HMGB1: variants seen among roughly 807,000 people sequenced by gnomAD.
HMGB1 encodes high mobility group protein B1.
For synonymous variants in HMGB1, 81 were observed against 84.0 expected (o/e 0.96, Z 0.19); for missense variants, 79 against 253.5 (o/e 0.31, Z 4.67).
rs1593283691 is a variant in HMGB1 at position 30,511,696 on chromosome 13, C to T, written c.-14-48002G>A. On this transcript the variant is annotated intron_variant, in intron 1 of 4. Coordinates refer to the HMGB1 transcript ENST00000405805. ...TGGCACCATCTTAGGCTGGGCCTTG[C>T]ATGTCCCATCTATCTCCCTTGCCCT... 2.6e-5 allele frequency among the ~76,000 whole-genome samples: 4 copies of T among 152,302 alleles called. No homozygotes were observed. In the South Asian group the frequency reaches 8.3e-4, roughly 32 times the overall value.
In HMGB1 at chr13:30,465,233, C is replaced by A; in HGVS notation, c.-15+563G>T. 8.4e-6 allele frequency: 3 copies of A among 355,800 alleles called. 1 individual carries two copies. In the Middle Eastern group the frequency reaches 4.4e-3, roughly 519 times the overall value. 22.0% of individuals were successfully genotyped at this position (355,800 alleles called of 1,614,324 possible). A position where few individuals can be genotyped will look rare whatever the true frequency, so the allele number is the denominator to read the frequency against. On this transcript the variant is annotated intron_variant, in intron 1 of 4. Transcript: ENST00000341423. ...CGCGACCGGGCCGAGGCCGGCCGGG[C>A]CCGCACTGCCGCCCCCAGGCCCCCG...
At chr13:30,557,485 T>C (rs528845693) in intron 1 of HMGB1, among the ~76,000 whole-genome samples, 2 of 152,358 alleles carry the variant, frequency 1.3e-5, no homozygotes, top group South Asian at 2.1e-4. Context: ...CCATGTTTCA[T>C]GTCTCTGCGG....
chr13:30,507,770 G>C (rs992588007), intron 1 of HMGB1, among the ~76,000 whole-genome samples: 2 of 152,140 alleles, frequency 1.3e-5, no homozygotes, highest in East Asian at 3.9e-4. Context: ...GAAGTGGGAA[G>C]AACATTTGAG....
At chr13:30,479,794 G>A (rs1887186688) in intron 1 of HMGB1, among the ~76,000 whole-genome samples, 2 of 152,140 alleles carry the variant, frequency 1.3e-5, no homozygotes, top group African/African-American at 4.8e-5. Context: ...AGTGTAAATC[G>A]CTTAGAACAC....
intron 1 of HMGB1, among the ~76,000 whole-genome samples, chr13:30,485,001 C>CATTTCAT (rs1308665268): frequency 1.3e-5 from 2 of 151,032 alleles, no homozygotes; most frequent in Non-Finnish European, 2.9e-5. Context: ...AAGAGTGAAG[C>CATTTCAT]ATTTCATGGA....
At chr13:30,525,376 C>G (rs1434447050) in intron 1 of HMGB1, among the ~76,000 whole-genome samples, 2 of 152,120 alleles carry the variant, frequency 1.3e-5, no homozygotes, top group Non-Finnish European at 2.9e-5. Context: ...ACTCCCAACC[C>G]CCACTGGTTT....
chr13:30,593,227 A>AC (rs571530078), intron 1 of HMGB1, among the ~76,000 whole-genome samples: 77 of 151,328 alleles, frequency 5.1e-4, no homozygotes, highest in East Asian at 1.7e-3. Flanking sequence ...GTTACAGACC[A>AC]CCCCCCCGTA....
intron 1 of HMGB1, among the ~76,000 whole-genome samples, chr13:30,479,703 G>A (rs1224922289): frequency 6.6e-6 from 1 of 152,156 alleles, no homozygotes; most frequent in East Asian, 1.9e-4. Context: ...AGCCTCAGCT[G>A]CTTCCATAAA....
At position 30,461,508 on chromosome 13, in the gene HMGB1, C is replaced by T; in HGVS notation, c.497G>A (p.Gly166Glu). 2 of 1,572,030 alleles carry T rather than the reference C, an allele frequency of 1.3e-6. No homozygotes were observed. The highest frequency in any genetic ancestry group is 1.2e-5 in the South Asian group (1 of 86,816). Reference protein sequence around the residue: ...EKDIAAYRAKGKPDAAKKGVV... With the variant: ...EKDIAAYRAKEKPDAAKKGVV... ...TCCCTTTTTTGCTGCATCAGGCTTT[C>T]CTTTAGCTCGATATGCAGCAATATC... The change falls in exon 5 of 5, where the codon GGA becomes GAA. Residue 166 changes from glycine to glutamate, a missense_variant. By Grantham distance (98) the Gly-to-Glu change is moderately conservative. Transcript: ENST00000341423.
chr13:30,556,462 G>A (rs1869695560), intron 1 of HMGB1, among the ~76,000 whole-genome samples: 2 of 152,174 alleles, frequency 1.3e-5, no homozygotes, highest in South Asian at 4.1e-4. Context: ...TGCATCCCAT[G>A]TCTACTGCAG....
At chr13:30,575,284 G>T (rs566398653) in intron 1 of HMGB1, among the ~76,000 whole-genome samples, 1 of 152,318 alleles carries the variant, frequency 6.6e-6, no homozygotes, top group South Asian at 2.1e-4. Flanking sequence ...ACAGCTCGAA[G>T]TCAGCTCATA....
chr13:30,520,186 G>A (rs561096689), intron 1 of HMGB1, among the ~76,000 whole-genome samples: 13 of 152,158 alleles, frequency 8.5e-5, no homozygotes, highest in African/African-American at 2.7e-4. Flanking sequence ...GCTGGGCATC[G>A]TGGCACATGC....
At chr13:30,509,118 G>A (rs1277219884) in intron 1 of HMGB1, among the ~76,000 whole-genome samples, 1 of 152,068 alleles carries the variant, frequency 6.6e-6, no homozygotes, top group Non-Finnish European at 1.5e-5. Flanking sequence ...ATGCTTTTTT[G>A]TAGAGATGGG....
chr13:30,583,314 C>T (rs2137544696), intron 1 of HMGB1, among the ~76,000 whole-genome samples: 1 of 152,158 alleles, frequency 6.6e-6, no homozygotes, highest in East Asian at 1.9e-4. Context: ...GGGAGGATCA[C>T]TTGAGGCCAG....
intron 1 of HMGB1, among the ~76,000 whole-genome samples, chr13:30,593,290 A>G (rs1326843243): frequency 6.6e-6 from 1 of 152,162 alleles, no homozygotes. Flanking sequence ...CTTTTAATAA[A>G]CAATATGGCA....
At chr13:30,480,637 G>C (rs546773344) in intron 1 of HMGB1, among the ~76,000 whole-genome samples, 1 of 152,148 alleles carries the variant, frequency 6.6e-6, no homozygotes. Context: ...ACTCAGAGAA[G>C]GAGAGCCAGG....
At chr13:30,473,666 C>T (rs550785373) in intron 1 of HMGB1, among the ~76,000 whole-genome samples, 10 of 152,240 alleles carry the variant, frequency 6.6e-5, no homozygotes, top group Admixed American at 1.3e-4. Flanking sequence ...GAAATGTAAA[C>T]GGGCAGGTGT....
chr13:30,544,440 C>T (rs1321576564), intron 1 of HMGB1, among the ~76,000 whole-genome samples: 1 of 152,220 alleles, frequency 6.6e-6, no homozygotes, highest in Non-Finnish European at 1.5e-5. Context: ...ACTCCCCCAA[C>T]CTCCGGGGAG....
At chr13:30,465,969 C>G, upstream of HMGB1, 1 of 985,940 alleles carries the variant, frequency 1.0e-6, no homozygotes, top group Non-Finnish European at 1.2e-6. Flanking sequence ...TATTGGCTAC[C>G]GCCAACTCAC....
Sources: gnomAD v4.1 joint callset for allele counts (sites outside exome capture counted in the v4.1 genomes callset) on GRCh38, gnomAD v4.1.1 for gene constraint, MANE v1.5 for transcripts, NCBI Gene and HGNC (gene_info 2026-07-23, HGNC 2026-07-21) for gene names.